The following TFEC variants were observed in gnomAD, a reference collection of about 807,000 sequenced individuals.
The protein encoded by TFEC is transcription factor EC.
A neutral mutation model predicts 41.6 loss-of-function variants in TFEC; 31 were observed. The observed-to-expected ratio is 0.74, with a 90% confidence interval of 0.56 to 1.01. The LOEUF is 1.01. TFEC is among the 50% of genes least tolerant of loss of function. The pLI, the probability that TFEC is intolerant of heterozygous loss-of-function variation, is 0.00. For synonymous variants in TFEC, 143 were observed against 140.6 expected (o/e 1.02, Z -0.12); for missense variants, 402 against 404.1 (o/e 0.99, Z 0.04).
intron 1 of TFEC, among the ~76,000 whole-genome samples, chr7:116,139,910 G>T (rs1036681816): frequency 6.6e-6 from 1 of 152,170 alleles, no homozygotes; most frequent in African/African-American, 2.4e-5. Context: ...AGGGCACTTG[G>T]ACAGAAATGG....
intron 3 of TFEC, among the ~76,000 whole-genome samples, chr7:115,961,562 T>A (rs1342900466): frequency 2.0e-5 from 3 of 151,156 alleles, no homozygotes; most frequent in African/African-American, 4.9e-5. Context: ...AGGCCGTAAA[T>A]CAGTGAAGAA....
chr7:116,014,920 C>T (rs1161529357), intron 1 of TFEC, among the ~76,000 whole-genome samples: 1 of 152,068 alleles, frequency 6.6e-6, no homozygotes, highest in Non-Finnish European at 1.5e-5. Context: ...CTAGAGCCTC[C>T]AACAAGGATC....
chr7:116,024,191 C>T (rs570790013), intron 1 of TFEC, among the ~76,000 whole-genome samples: 1 of 152,232 alleles, frequency 6.6e-6, no homozygotes, highest in Non-Finnish European at 1.5e-5. Context: ...AGTCAAAGGC[C>T]TCATTATCCA....
At chr7:116,014,854 T>C (rs1200747333) in intron 1 of TFEC, among the ~76,000 whole-genome samples, 1 of 152,126 alleles carries the variant, frequency 6.6e-6, no homozygotes, top group Non-Finnish European at 1.5e-5. Flanking sequence ...TGTGGAACAC[T>C]GAATCAGTGT....
chr7:116,044,949 C>G (rs1445884079), intron 3 of TFEC, among the ~76,000 whole-genome samples: 1 of 152,228 alleles, frequency 6.6e-6, no homozygotes, highest in East Asian at 1.9e-4. Flanking sequence ...TGTGGGGAAA[C>G]CTGAGGAAAC....
intron 3 of TFEC, among the ~76,000 whole-genome samples, chr7:116,076,454 A>C (rs1430220819): frequency 6.6e-6 from 1 of 152,148 alleles, no homozygotes; most frequent in East Asian, 1.9e-4. Flanking sequence ...AAGAATTCAG[A>C]AAGTCGATTA....
At chr7:116,033,811 T>C (rs1795844026), upstream of TFEC, among the ~76,000 whole-genome samples, 1 of 152,148 alleles carries the variant, frequency 6.6e-6, no homozygotes, top group South Asian at 2.1e-4. Flanking sequence ...AATAATCTTC[T>C]CTGAACCCTA....
intron 3 of TFEC, among the ~76,000 whole-genome samples, chr7:115,962,599 C>A (rs1012178307): frequency 1.8e-4 from 27 of 151,796 alleles, no homozygotes; most frequent in Middle Eastern, 3.4e-3. Context: ...GAAAGGAATT[C>A]TTTTCAACAA....
At chr7:116,089,674 C>A (rs145173334) in intron 3 of TFEC, among the ~76,000 whole-genome samples, 88 of 152,150 alleles carry the variant, frequency 5.8e-4, no homozygotes, top group African/African-American at 2.1e-3. Context: ...ATAAATTCAA[C>A]TGATGATTTA....
intron 6 of TFEC, among the ~76,000 whole-genome samples, chr7:115,946,396 CGTGTGTGTGTGTGT>C (rs3028673): frequency 1.1e-4 from 13 of 123,072 alleles, no homozygotes; most frequent in Admixed American, 3.3e-4. Context: ...AGAAACATAA[CGTGTGTGTGTGTGT>C]GTGTGTGTGT....
intron 1 of TFEC, among the ~76,000 whole-genome samples, chr7:116,124,227 A>G (rs1346367660): frequency 1.3e-5 from 2 of 152,164 alleles, no homozygotes; most frequent in African/African-American, 4.8e-5. Context: ...GAATATAGTT[A>G]CTTTGGGTGC....
intron 3 of TFEC, among the ~76,000 whole-genome samples, chr7:116,106,407 C>G (rs969742854): frequency 1.3e-5 from 2 of 151,898 alleles, no homozygotes; most frequent in East Asian, 3.9e-4. Context: ...TTTTTTGAAA[C>G]AGAGTTTTGC....
chr7:116,119,951 T>C (rs1280733000), intron 1 of TFEC, among the ~76,000 whole-genome samples: 1 of 150,332 alleles, frequency 6.7e-6, no homozygotes, highest in African/African-American at 2.4e-5. Flanking sequence ...ATGCTTACAA[T>C]GTTAAGTAAA....
At chr7:115,989,504 G>C (rs1341799773) in intron 1 of TFEC, among the ~76,000 whole-genome samples, 2 of 152,200 alleles carry the variant, frequency 1.3e-5, no homozygotes, top group Middle Eastern at 3.2e-3. Context: ...GCCAAGGGAA[G>C]CCATGACAGA....
intron 1 of TFEC, among the ~76,000 whole-genome samples, chr7:115,997,427 T>G (rs554010342): frequency 6.6e-6 from 1 of 152,152 alleles, no homozygotes; most frequent in Non-Finnish European, 1.5e-5. Context: ...ACCAAGAACT[T>G]AGATTACAAC....
chr7:116,035,709 A>G (rs1208171647), upstream of TFEC, among the ~76,000 whole-genome samples: 1 of 152,102 alleles, frequency 6.6e-6, no homozygotes, highest in Non-Finnish European at 1.5e-5. Context: ...AACCTTCTGC[A>G]TTTTTAGAAA....
intron 1 of TFEC, among the ~76,000 whole-genome samples, chr7:116,029,510 T>C (rs890371551): frequency 2.0e-5 from 3 of 152,156 alleles, no homozygotes; most frequent in Admixed American, 2.0e-4. Flanking sequence ...TACACTCTTA[T>C]AGTTAAATGA....
intron 3 of TFEC, among the ~76,000 whole-genome samples, chr7:116,036,173 C>G (rs918556378): frequency 3.3e-5 from 5 of 151,902 alleles, no homozygotes; most frequent in Non-Finnish European, 7.4e-5. Flanking sequence ...GGAATTGGAC[C>G]ATAACATTTT....
At chr7:116,117,536 C>A (rs542108015) in intron 1 of TFEC, 1 of 151,894 alleles carries the variant, frequency 6.6e-6, no homozygotes, top group Non-Finnish European at 1.5e-5. Context: ...AAGCAGGAAC[C>A]TCTCTTATCC....
Sources: gnomAD v4.1 joint callset for allele counts (sites outside exome capture counted in the v4.1 genomes callset) on GRCh38, gnomAD v4.1.1 for gene constraint, MANE v1.5 for transcripts, NCBI Gene and HGNC (gene_info 2026-07-23, HGNC 2026-07-21) for gene names.